CSNK1D: variants seen among roughly 807,000 people sequenced by gnomAD.
CSNK1D encodes the protein casein kinase 1 delta, also known as casein kinase I isoform delta.
Under a neutral mutation model 46.6 loss-of-function variants are expected in CSNK1D, and 16 were observed. The observed-to-expected ratio is 0.34, with a 90% CI of 0.23 to 0.52. The LOEUF is 0.52. CSNK1D is among the 20% of genes least tolerant of loss of function. CSNK1D has a pLI of 0.95. For synonymous variants in CSNK1D, 276 were observed against 228.2 expected (o/e 1.21, Z -1.89); for missense variants, 398 against 578.4 (o/e 0.69, Z 3.20).
At chr17:82,239,075 C>T (rs1386270070), downstream of CSNK1D, 11 of 1,239,126 alleles carry the variant, frequency 8.9e-6, no homozygotes, top group Non-Finnish European at 1.1e-5. Context: ...AGGGCCACGG[C>T]TGGGCTCCAG....
chr17:82,270,517 G>A (rs918190108), intron 1 of CSNK1D, among the ~76,000 whole-genome samples: 9 of 152,204 alleles, frequency 5.9e-5, no homozygotes, highest in Non-Finnish European at 1.2e-4. Context: ...AGGTCAAGAT[G>A]AAGACCTAGT....
At position 82,244,215 on chromosome 17, in the gene CSNK1D, A is replaced by G; in HGVS notation, c.*566T>C. 1 of 1,038,422 alleles carries G rather than the reference A, an allele frequency of 9.6e-7. No individual in the cohort carries two copies. The highest frequency in any genetic ancestry group is 1.2e-6 in the Non-Finnish European group (1 of 860,238). 64.3% of individuals were successfully genotyped at this position (1,038,422 alleles called of 1,614,324 possible). Reference sequence around the variant, plus strand: ...CAATAAAACACTGCAAAACAAACACAGCACACACCCTTGAGATCCACCTGC... The same window carrying G: ...CAATAAAACACTGCAAAACAAACACGGCACACACCCTTGAGATCCACCTGC... On this transcript the variant is annotated 3_prime_UTR_variant, in exon 9 of 9. Transcript: ENST00000314028.
At chr17:82,271,347 G>A (rs977077151) in intron 1 of CSNK1D, among the ~76,000 whole-genome samples, 1 of 152,218 alleles carries the variant, frequency 6.6e-6, no homozygotes, top group South Asian at 2.1e-4. Context: ...TGGGATTACA[G>A]GCGTGAGCCA....
Position 82,273,172 on chromosome 17 carries a change from G to T in CSNK1D, c.76+134C>A. 1 of 929,278 alleles carries T rather than the reference G, an allele frequency of 1.1e-6. No homozygotes were observed. Among genetic ancestry groups the T allele is most frequent in the Non-Finnish European group, 1.6e-6 (1 of 621,818 alleles). 57.6% of individuals were successfully genotyped at this position (929,278 alleles called of 1,614,324 possible). A position where few individuals can be genotyped will look rare whatever the true frequency, so the allele number is the denominator to read the frequency against. On this transcript the variant is annotated intron_variant, in intron 1 of 8. Transcript: ENST00000314028. This position sits in a 1 kb window ranked among gnomAD's most constrained non-coding sequence, Gnocchi z 5.1. The stretch of plus-strand genomic sequence containing the variant: ...GCTAGCCTAGTGGCCGTTGGGTTCT[G>T]GCCACGATCCGGCGGTGCCGGGACT...
chr17:82,255,197 G>A lies in CSNK1D; in HGVS notation c.336+232C>T, dbSNP rs1326323893. 2 of 577,110 alleles carry A rather than the reference G, an allele frequency of 3.5e-6. No individual in the cohort carries two copies. Among genetic ancestry groups the A allele is most frequent in the Non-Finnish European group, 6.2e-6 (2 of 322,664 alleles). The allele number at this position is 577,110 out of a possible 1,614,324, so 35.7% of individuals were successfully genotyped here. On this transcript the variant is annotated intron_variant, in intron 3 of 8. Transcript: ENST00000314028. The surrounding 1 kb of genome is among the most constrained non-coding windows in gnomAD (Gnocchi z 5.9). ...GAAGCCAGTGAGCTGGGCCGCCGGA[G>A]CCTCGAGAAGCCAGTGAGCTGGGCC...
intron 8 of CSNK1D, chr17:82,245,826 C>T: frequency 1.2e-6 from 1 of 825,914 alleles, no homozygotes; most frequent in Non-Finnish European, 2.0e-6. Context: ...CCGCTCTGCA[C>T]CCCACAAGAA....
chr17:82,245,238 G>C (rs1228522213), intron 8 of CSNK1D: 1 of 350,440 alleles, frequency 2.9e-6, no homozygotes. Context: ...AACTGCAGCG[G>C]GTCTCCCAGC....
chr17:82,241,106 C>T (rs962861409), downstream of CSNK1D, among the ~76,000 whole-genome samples: 1 of 152,080 alleles, frequency 6.6e-6, no homozygotes, highest in African/African-American at 2.4e-5. Context: ...CCGTCCAGAA[C>T]CCACTGCTAC....
rs2051693295 is a variant in CSNK1D at position 82,273,437 on chromosome 17, C to CT, written c.-57dup. On this transcript the variant is annotated 5_prime_UTR_variant, in exon 1 of 9. Coordinates refer to ENST00000314028, the MANE Select transcript of CSNK1D (RefSeq NM_001893.6). This position sits in a 1 kb window ranked among gnomAD's most constrained non-coding sequence, Gnocchi z 5.1. ...CCCGGCCGCTTCCTGGGTCTGAACT[C>CT]TGGGAGGCGGCGCCGCTGCTGCCGC... 20 of 1,598,442 alleles carry CT rather than the reference C, an allele frequency of 1.3e-5. No homozygotes were observed.
rs375812271 is a variant in CSNK1D at position 82,251,355 on chromosome 17, G to A, written c.885+24C>T. ...CCATCCCCCGCACACCACACTCAGC[G>A]AACGTGCTGGCAGTGCGACTTACAA... On this transcript the variant is annotated intron_variant, in intron 6 of 8. Coordinates refer to ENST00000314028, the MANE Select transcript of CSNK1D (RefSeq NM_001893.6). This position sits in a 1 kb window ranked among gnomAD's most constrained non-coding sequence, Gnocchi z 4.5. The A allele has an allele frequency of 3.1e-4, 495 of 1,613,802 alleles. 1 individual carries two copies. Among genetic ancestry groups the A allele is most frequent in the South Asian group, 3.0e-3 (274 of 91,016 alleles).
Position 82,244,566 on chromosome 17 carries a change from A to G in CSNK1D, c.*215T>C. Reference sequence around the variant, plus strand: ...TCCCAGCCCCGTTACAACCGAGTTCACGTGGGGGGCCGCAGTGCAGCCCCA... The same window carrying G: ...TCCCAGCCCCGTTACAACCGAGTTCGCGTGGGGGGCCGCAGTGCAGCCCCA... On this transcript the variant is annotated 3_prime_UTR_variant, in exon 9 of 9. Coordinates refer to ENST00000314028, the MANE Select transcript of CSNK1D (RefSeq NM_001893.6). 1 of 1,487,242 alleles carries G rather than the reference A, an allele frequency of 6.7e-7. No individual in the cohort carries two copies. Among genetic ancestry groups the G allele is most frequent in the Non-Finnish European group, 8.9e-7 (1 of 1,119,114 alleles). 92.1% of individuals were successfully genotyped at this position (1,487,242 alleles called of 1,614,324 possible). A position where few individuals can be genotyped will look rare whatever the true frequency, so the allele number is the denominator to read the frequency against.
chr17:82,242,948 G>A lies in CSNK1D; in HGVS notation c.*1833C>T. The A allele has an allele frequency of 1.0e-6, 1 of 985,448 alleles. No homozygotes were observed. The highest frequency in any genetic ancestry group is 1.2e-6 in the Non-Finnish European group (1 of 829,932). 61.0% of individuals were successfully genotyped at this position (985,448 alleles called of 1,614,324 possible). ...CATCGGGACCACAGATATTTACAAA[G>A]CAAGCTTGCGCCACTTCAGGCCACA... On this transcript the variant is annotated 3_prime_UTR_variant, in exon 9 of 9. Coordinates refer to ENST00000314028, the MANE Select transcript of CSNK1D (RefSeq NM_001893.6).
rs1431675410 is a variant in CSNK1D at position 82,244,222 on chromosome 17, A to G, written c.*559T>C. The G allele has an allele frequency of 5.7e-6, 6 of 1,051,398 alleles. No individual in the cohort carries two copies. In the Admixed American group the frequency reaches 1.5e-4, roughly 26 times the overall value. The allele number at this position is 1,051,398 out of a possible 1,614,324, so 65.1% of individuals were successfully genotyped here. A position where few individuals can be genotyped will look rare whatever the true frequency, so the allele number is the denominator to read the frequency against. ...ACACTGCAAAACAAACACAGCACAC[A>G]CCCTTGAGATCCACCTGCACCTTCT... On this transcript the variant is annotated 3_prime_UTR_variant, in exon 9 of 9. Coordinates refer to ENST00000314028, the MANE Select transcript of CSNK1D (RefSeq NM_001893.6).
intron 2 of CSNK1D, among the ~76,000 whole-genome samples, chr17:82,260,744 A>C (rs2051317672): frequency 6.7e-6 from 1 of 148,154 alleles, no homozygotes; most frequent in Non-Finnish European, 1.5e-5. Context: ...GTACCGACTG[A>C]TGTGACTGAT....
At chr17:82,242,244 T>C (rs1251259409), downstream of CSNK1D, among the ~76,000 whole-genome samples, 1 of 151,180 alleles carries the variant, frequency 6.6e-6, no homozygotes, top group Non-Finnish European at 1.5e-5. Flanking sequence ...CCTATCTCCT[T>C]GTGCCTGTGC....
chr17:82,273,612 C>G lies in CSNK1D; in HGVS notation c.-231G>C. The G allele has an allele frequency of 1.8e-6, 1 of 561,744 alleles. No individual in the cohort carries two copies. Among genetic ancestry groups the G allele is most frequent in the East Asian group, 3.3e-5 (1 of 30,714 alleles). The allele number at this position is 561,744 out of a possible 1,614,324, so 34.8% of individuals were successfully genotyped here. ...GCTGCTCCGGCCCCTACCGGTCCCG[C>G]TTGCCCTCTCCCCGCCGCGGATGGA... On this transcript the variant is annotated 5_prime_UTR_variant, in exon 1 of 9. Transcript: ENST00000314028. This position sits in a 1 kb window ranked among gnomAD's most constrained non-coding sequence, Gnocchi z 5.1.
Position 82,246,151 on chromosome 17 carries a change from C to G in CSNK1D, c.1198-1320G>C, listed in dbSNP as rs531134944. The G allele has an allele frequency of 3.9e-6, 6 of 1,545,612 alleles. No individual in the cohort carries two copies. In the Admixed American group the frequency reaches 5.9e-5, roughly 15 times the overall value. ...TGCCTCAACCAGGTCCACAGACCGA[C>G]AGGTGCCACCTGGGGGAGCCCAGGC... On this transcript the variant is annotated intron_variant, in intron 8 of 8. Transcript: ENST00000314028.
chr17:82,272,115 G>A (rs1366394450), intron 1 of CSNK1D: 1 of 152,332 alleles, frequency 6.6e-6, no homozygotes, highest in African/African-American at 2.4e-5. Context: ...AGGCCGAACT[G>A]GGCGGATCAC....
At chr17:82,256,316 G>T (rs1325775411) in intron 2 of CSNK1D, among the ~76,000 whole-genome samples, 1 of 152,106 alleles carries the variant, frequency 6.6e-6, no homozygotes, top group Non-Finnish European at 1.5e-5. Flanking sequence ...TTCGAGACCA[G>T]CCTGGATAAC....
Sources: gnomAD v4.1 joint callset for allele counts (sites outside exome capture counted in the v4.1 genomes callset) on GRCh38, gnomAD v4.1.1 for gene constraint, Gnocchi (gnomAD v3.1) non-coding constraint, MANE v1.5 for transcripts, NCBI Gene and HGNC (gene_info 2026-07-23, HGNC 2026-07-21) for gene names.